PRKAR1B: variants seen among roughly 807,000 people sequenced by gnomAD.
PRKAR1B encodes the protein cAMP-dependent protein kinase type I-beta regulatory subunit.
In PRKAR1B, 22 loss-of-function variants were observed where a neutral mutation model predicts 46.5. The observed-to-expected ratio is 0.47, with a 90% confidence interval of 0.34 to 0.68. The LOEUF is 0.68. Ranked by LOEUF, PRKAR1B falls within the 30% of genes least tolerant of loss-of-function variation. The pLI is 0.01. For missense variants in PRKAR1B, 445 were observed against 535.6 expected, an observed-to-expected ratio of 0.83 and a Z score of 1.67; for synonymous variants, 259 against 217.7, an observed-to-expected ratio of 1.19 and a Z score of -1.67.
At chr7:571,650 G>A (rs541289371) in intron 9 of PRKAR1B, among the ~76,000 whole-genome samples, 6 of 152,328 alleles carry the variant, frequency 3.9e-5, no homozygotes, top group African/African-American at 7.2e-5. Context: ...GGATTTTTAC[G>A]GGGAACCGGC....
At chr7:664,783 G>A (rs995626207) in intron 4 of PRKAR1B, among the ~76,000 whole-genome samples, 7 of 151,766 alleles carry the variant, frequency 4.6e-5, no homozygotes, top group Non-Finnish European at 8.8e-5. Flanking sequence ...GTGTGGTGGT[G>A]CACGCCTGTG....
intron 2 of PRKAR1B, among the ~76,000 whole-genome samples, chr7:706,841 G>C (rs1048978251): frequency 2.0e-5 from 3 of 152,176 alleles, no homozygotes; most frequent in African/African-American, 7.2e-5. Context: ...ATCCCTGCTG[G>C]CCTGTGTTTT....
intron 4 of PRKAR1B, among the ~76,000 whole-genome samples, chr7:645,152 A>G (rs923664472): frequency 2.0e-5 from 3 of 152,036 alleles, no homozygotes; most frequent in African/African-American, 7.2e-5. Context: ...CACCCACCCA[A>G]GGTCACTCGG....
intron 4 of PRKAR1B, among the ~76,000 whole-genome samples, chr7:662,662 C>G (rs1266428239): frequency 2.6e-5 from 4 of 151,488 alleles, no homozygotes; most frequent in Admixed American, 6.6e-5. Context: ...CCCACTCCAA[C>G]AGATCCAAAT....
In PRKAR1B at chr7:642,175, C is replaced by T. The variant is rs189797933; in HGVS notation, c.441-34723G>A. On this transcript the variant is annotated intron_variant, in intron 4 of 10. Coordinates refer to ENST00000537384, the MANE Select transcript of PRKAR1B (RefSeq NM_001164760.2). ...CCTCCCAAAATGTTAGGATGACAGG[C>T]ATGAGCCACCGCACCCACCCGACTC... is the stretch of plus-strand genomic sequence containing the variant. Among the ~76,000 whole-genome samples, 398 of 152,294 alleles carry T rather than the reference C, an allele frequency of 2.6e-3. 1 individual carries two copies. The highest frequency in any genetic ancestry group is 0.019 in the South Asian group (90 of 4,822).
chr7:685,321 T>TAC (rs1231117593), intron 2 of PRKAR1B, among the ~76,000 whole-genome samples: 2 of 96,550 alleles, frequency 2.1e-5, no homozygotes, highest in African/African-American at 9.0e-5. Flanking sequence ...TATATACGTA[T>TAC]ATATACGTAT....
chr7:642,980 TG>T lies in PRKAR1B; in HGVS notation c.440+34248del, dbSNP rs1171124794. Among the ~76,000 whole-genome samples the T allele has an allele frequency of 3.3e-5, 5 of 151,386 alleles. No individual in the cohort carries two copies. The East Asian group carries it at 9.6e-4, about 29-fold the overall frequency. On this transcript the variant is annotated intron_variant, in intron 4 of 10. Coordinates refer to ENST00000537384, the MANE Select transcript of PRKAR1B (RefSeq NM_001164760.2). ...AGTTTCCCCTTCTGTAAAGGATGGA[TG>T]GTGCTAACCCCGCACTTCACTGGGA...
chr7:611,598 C>T (rs1051119496), intron 4 of PRKAR1B, among the ~76,000 whole-genome samples: 2 of 152,256 alleles, frequency 1.3e-5, no homozygotes, highest in African/African-American at 4.8e-5. Flanking sequence ...TTCCGCCTCC[C>T]ACAGCTGACT....
chr7:576,212 C>T lies in PRKAR1B; in HGVS notation c.891+3044G>A, dbSNP rs569773934. Among the ~76,000 whole-genome samples, 43 of 150,856 alleles carry T rather than the reference C, an allele frequency of 2.9e-4. 1 individual carries two copies. The highest frequency in any genetic ancestry group is 1.0e-3 in the African/African-American group (41 of 40,874). ...TCCTCTGCACATGGGCAGGCGTGCA[C>T]GCTGGCATCCTCTCCTCTGCACACG... On this transcript the variant is annotated intron_variant, in intron 9 of 10. Coordinates refer to ENST00000537384, the MANE Select transcript of PRKAR1B (RefSeq NM_001164760.2).
rs1778711103 is a variant in PRKAR1B, at chr7:560,388, AT to A, written c.892-8919del. Among the ~76,000 whole-genome samples, 1 of 145,624 alleles carries A rather than the reference AT, an allele frequency of 6.9e-6. No individual in the cohort carries two copies. The highest frequency in any genetic ancestry group is 6.9e-5 in the Admixed American group (1 of 14,580). ...AATAATAATAATAATAATAATAATA[AT>A]AAATATATTTTAAAAGAAACTTTGT... On this transcript the variant is annotated intron_variant, in intron 9 of 10. Transcript: ENST00000537384. The surrounding 1 kb of genome is among the most constrained non-coding windows in gnomAD (Gnocchi z 4.2).
intron 9 of PRKAR1B, among the ~76,000 whole-genome samples, chr7:573,466 G>A (rs909867864): frequency 8.6e-5 from 13 of 152,008 alleles, no homozygotes; most frequent in African/African-American, 1.7e-4. Context: ...GTGCAGGAGC[G>A]CGTGGGGGCT....
At chr7:564,615 G>C (rs929612227) in intron 9 of PRKAR1B, among the ~76,000 whole-genome samples, 6 of 152,214 alleles carry the variant, frequency 3.9e-5, no homozygotes, top group African/African-American at 1.4e-4. Flanking sequence ...TGTTCCCTCA[G>C]CCTGGAGGGC....
chr7:712,190 G>T (rs1338460704), intron 1 of PRKAR1B, among the ~76,000 whole-genome samples: 2 of 144,878 alleles, frequency 1.4e-5, no homozygotes, highest in Non-Finnish European at 3.1e-5. Context: ...GGAGTGCCCA[G>T]ACCGCCGGGA....
chr7:616,316 G>A (rs111565595), intron 4 of PRKAR1B, among the ~76,000 whole-genome samples: 14 of 152,324 alleles, frequency 9.2e-5, no homozygotes, highest in African/African-American at 1.2e-4. Context: ...ACAGACCACC[G>A]CAGATGGGGG....
rs938384320 is a variant in PRKAR1B at position 722,039 on chromosome 7, T to C, written c.-23+5171A>G. Among the ~76,000 whole-genome samples, 3 of 152,022 alleles carry C rather than the reference T, an allele frequency of 2.0e-5. No homozygotes were observed. The East Asian group carries it at 5.8e-4, about 29-fold the overall frequency. ...GGAGGGCTTGTCCTATGAAGCCTTGTTGAGCTTCTGGAATCTGTGGATTTA... is the reference window on the plus strand; with the variant it reads ...GGAGGGCTTGTCCTATGAAGCCTTGCTGAGCTTCTGGAATCTGTGGATTTA... On this transcript the variant is annotated intron_variant, in intron 1 of 10. Coordinates refer to ENST00000537384, the MANE Select transcript of PRKAR1B (RefSeq NM_001164760.2).
At chr7:584,487 T>C in intron 8 of PRKAR1B, 21 bp downstream of exon 8, 1 of 1,611,126 alleles carries the variant, frequency 6.2e-7, no homozygotes, top group Non-Finnish European at 8.5e-7. Context: ...CACACAGCCG[T>C]GCAGGGGCGC....
chr7:612,213 T>C (rs1237202730), intron 4 of PRKAR1B, among the ~76,000 whole-genome samples: 1 of 137,512 alleles, frequency 7.3e-6, no homozygotes, highest in African/African-American at 2.8e-5. Flanking sequence ...AACGGATGGA[T>C]GGATGGATAG....
rs879256003 is a variant in PRKAR1B at position 628,831 on chromosome 7, CA to C, written c.441-21380del. ...TGAAATTCCTCGCCCACCCCCAAGT[CA>C]GGCTCAAGGACCCCCCAAGTCAGGC... On this transcript the variant is annotated intron_variant, in intron 4 of 10. Coordinates refer to ENST00000537384, the MANE Select transcript of PRKAR1B (RefSeq NM_001164760.2). 1.0e-2 allele frequency among the ~76,000 whole-genome samples: 287 copies of C among 28,714 alleles called. 11 individuals carry two copies. In the Admixed American group the frequency reaches 0.11, roughly 11 times the overall value. 18.8% of individuals were successfully genotyped at this position (28,714 alleles called of 152,430 possible). A position where few individuals can be genotyped will look rare whatever the true frequency, so the allele number is the denominator to read the frequency against.
chr7:592,439 G>A (rs1217270254), intron 7 of PRKAR1B, among the ~76,000 whole-genome samples: 6 of 151,452 alleles, frequency 4.0e-5, no homozygotes, highest in African/African-American at 9.7e-5. Flanking sequence ...CACTGGCTGT[G>A]CCGAGTCACT....
Sources: allele counts gnomAD v4.1 joint callset (sites outside exome capture counted in the v4.1 genomes callset), GRCh38; gene constraint gnomAD v4.1.1; non-coding constraint Gnocchi (gnomAD v3.1); transcripts MANE v1.5; gene names NCBI Gene and HGNC (gene_info 2026-07-23, HGNC 2026-07-21).